Variants in ZHX3 observed in about 807,000 individuals in gnomAD.
ZHX3 encodes zinc fingers and homeoboxes 3.
Under a neutral mutation model 64.5 loss-of-function variants are expected in ZHX3, and 20 were observed. That is an observed-to-expected ratio of 0.31 (90% CI 0.22 to 0.45). The LOEUF (loss-of-function observed/expected upper bound fraction) is 0.45. Among genes scored for constraint, ZHX3 ranks in the 20% least tolerant of loss-of-function variants. The pLI, the probability that ZHX3 is intolerant of heterozygous loss-of-function variation, is 1.00. For synonymous variants in ZHX3, 423 were observed against 461.6 expected, an observed-to-expected ratio of 0.92 and a Z score of 1.07; for missense variants, 1,041 against 1,195.8, an observed-to-expected ratio of 0.87 and a Z score of 1.91.
chr20:41,262,935 G>T (rs376036910), intron 2 of ZHX3, among the ~76,000 whole-genome samples: 1 of 152,284 alleles, frequency 6.6e-6, no homozygotes, highest in East Asian at 1.9e-4. Flanking sequence ...CTTTTGCTTT[G>T]ATTTTAGTAA....
chr20:41,202,929 C>T lies in ZHX3; in HGVS notation c.1988G>A (p.Arg663Lys). The T allele has an allele frequency of 1.2e-6, 2 of 1,614,122 alleles. No homozygotes were observed. Among genetic ancestry groups the T allele is most frequent in the Non-Finnish European group, 1.7e-6 (2 of 1,180,016 alleles). The change falls in exon 3 of 4, where the codon AGA (arginine) becomes AAA (lysine). Residue 663 changes from arginine (R) to lysine (K), a missense_variant. Transcript: ENST00000683867. The surrounding 1 kb of genome is among the most constrained non-coding windows in gnomAD (Gnocchi z 7.0). ...RREIDSWFSE[R>K]RKKVNAEETK... is the part of the protein sequence containing the mutation. ...CTCCTCAGCATTCACTTTTTTCCGT[C>T]TCTCTGAAAACCAGCTATCAATTTC...
chr20:41,184,662 G>A lies in ZHX3; in HGVS notation c.*529C>T. On this transcript the variant is annotated 3_prime_UTR_variant, in exon 4 of 4. Transcript: ENST00000683867. Reference sequence around the variant, plus strand: ...TTGAGGAACACAAAGGGGGCACAAAGGGGTTCCAGACGTAGCTTTGTGCCT... The same window carrying A: ...TTGAGGAACACAAAGGGGGCACAAAAGGGTTCCAGACGTAGCTTTGTGCCT... 1 of 508,198 alleles carries A rather than the reference G, an allele frequency of 2.0e-6. No individual in the cohort carries two copies. The highest frequency in any genetic ancestry group is 3.5e-6 in the Non-Finnish European group (1 of 283,078). 31.5% of individuals were successfully genotyped at this position (508,198 alleles called of 1,614,324 possible).
intron 2 of ZHX3, among the ~76,000 whole-genome samples, chr20:41,209,978 A>G (rs2039032688): frequency 6.6e-6 from 1 of 152,178 alleles, no homozygotes; most frequent in South Asian, 2.1e-4. Context: ...GAATCTACAA[A>G]GCACTTAAAC....
intron 1 of ZHX3, among the ~76,000 whole-genome samples, chr20:41,282,361 C>CTTTTTTTT (rs568284480): frequency 0.07 from 6,774 of 96,768 alleles, 836 homozygotes; most frequent in Middle Eastern, 0.11. Flanking sequence ...CACAATTCAT[C>CTTTTTTTT]TTTTTTTTTT....
chr20:41,278,484 T>A (rs2043504109), intron 1 of ZHX3, among the ~76,000 whole-genome samples: 1 of 141,444 alleles, frequency 7.1e-6, no homozygotes, highest in Admixed American at 7.1e-5. Context: ...CATATTGGTA[T>A]TTTTTCTCAC....
chr20:41,305,343 A>T (rs2044943683), intron 1 of ZHX3, among the ~76,000 whole-genome samples: 1 of 152,144 alleles, frequency 6.6e-6, no homozygotes, highest in African/African-American at 2.4e-5. Flanking sequence ...AAATACAAAA[A>T]TTAGCCAGGC....
intron 2 of ZHX3, among the ~76,000 whole-genome samples, chr20:41,246,824 G>A (rs2041713319): frequency 2.0e-5 from 3 of 151,298 alleles, no homozygotes; most frequent in Admixed American, 6.6e-5. Context: ...AGTGAGCCGA[G>A]ACTGTGCCAC....
Position 41,228,597 on chromosome 20 carries a change from G to C in ZHX3, c.-150-23531C>G, listed in dbSNP as rs1307543053. Among the ~76,000 whole-genome samples the C allele has an allele frequency of 2.0e-5, 3 of 152,168 alleles. No individual in the cohort carries two copies. The highest frequency in any genetic ancestry group is 6.5e-5 in the Admixed American group (1 of 15,280). The stretch of plus-strand genomic sequence containing the variant: ...CTCACATGGCAGAAGGGACCAGGGA[G>C]TGTCTGGGGTCTCTTTTATAAGGCC... On this transcript the variant is annotated intron_variant, in intron 2 of 3. Transcript: ENST00000683867. This position sits in a 1 kb window ranked among gnomAD's most constrained non-coding sequence, Gnocchi z 4.6.
At chr20:41,271,499 G>T (rs2043147588) in intron 1 of ZHX3, among the ~76,000 whole-genome samples, 1 of 152,136 alleles carries the variant, frequency 6.6e-6, no homozygotes, top group African/African-American at 2.4e-5. Flanking sequence ...AGTTAGCTTT[G>T]TTTGCTTCAC....
At chr20:41,270,072 T>C (rs1037181173) in intron 1 of ZHX3, among the ~76,000 whole-genome samples, 2 of 152,174 alleles carry the variant, frequency 1.3e-5, no homozygotes, top group Non-Finnish European at 2.9e-5. Flanking sequence ...ATAAGGAAAC[T>C]TGTTAGGTAA....
At chr20:41,217,273 C>T (rs537902169) in intron 2 of ZHX3, among the ~76,000 whole-genome samples, 2 of 151,820 alleles carry the variant, frequency 1.3e-5, no homozygotes, top group South Asian at 4.2e-4. Flanking sequence ...GAGGAAAAAC[C>T]CAACCCCCTA....
intron 1 of ZHX3, among the ~76,000 whole-genome samples, chr20:41,278,586 C>T (rs1179599368): frequency 2.1e-5 from 3 of 140,748 alleles, no homozygotes; most frequent in African/African-American, 5.4e-5. Flanking sequence ...ATGTGATTAG[C>T]GGCCATTCAT....
chr20:41,178,914 C>G lies in ZHX3; in HGVS notation c.*6277G>C, dbSNP rs1170261781. ...GCAGTTGCCTCTTACTTGTTTAGCA[C>G]CAAGATGATCACCTTTTCAGCCATC... On this transcript the variant is annotated 3_prime_UTR_variant, in exon 4 of 4. Coordinates refer to ENST00000683867, the MANE Select transcript of ZHX3 (RefSeq NM_001384317.1). 2 of 152,654 alleles carry G rather than the reference C, an allele frequency of 1.3e-5. No homozygotes were observed. Among genetic ancestry groups the G allele is most frequent in the African/African-American group, 4.8e-5 (2 of 41,452 alleles). 9.5% of individuals were successfully genotyped at this position (152,654 alleles called of 1,614,324 possible).
rs1382963206 is a variant in ZHX3 at position 41,184,013 on chromosome 20, CCAGCA to C, written c.*1173_*1177del. 6.6e-6 allele frequency: 1 copy of C among 152,232 alleles called. No homozygotes were observed. Among genetic ancestry groups the C allele is most frequent in the African/African-American group, 2.4e-5 (1 of 41,452 alleles). The allele number at this position is 152,232 out of a possible 1,614,324, so 9.4% of individuals were successfully genotyped here. ...ATGCCCAGCACCCTTGGGCATGCAT[CCAGCA>C]CACCGGCCAGACCCTGGGGTGGGAG... On this transcript the variant is annotated 3_prime_UTR_variant, in exon 4 of 4. Coordinates refer to ENST00000683867, the MANE Select transcript of ZHX3 (RefSeq NM_001384317.1).
intron 2 of ZHX3, among the ~76,000 whole-genome samples, chr20:41,235,119 C>T (rs989833828): frequency 4.0e-5 from 6 of 151,828 alleles, no homozygotes; most frequent in Non-Finnish European, 8.8e-5. Context: ...GCAGCAAACT[C>T]GGTGTGTGTG....
chr20:41,251,189 T>C (rs1317693696), intron 2 of ZHX3, among the ~76,000 whole-genome samples: 2 of 152,120 alleles, frequency 1.3e-5, no homozygotes, highest in African/African-American at 2.4e-5. Context: ...TATCCTCCTG[T>C]AGTCCCAGCT....
At position 41,184,979 on chromosome 20, in the gene ZHX3, G is replaced by A; in HGVS notation, c.*212C>T. ...CTACATTGTGGGAGGAAGAACTGATGAGAACCCCATCTTGCTTGCTGCTTG... is the reference window on the plus strand; with the variant it reads ...CTACATTGTGGGAGGAAGAACTGATAAGAACCCCATCTTGCTTGCTGCTTG... On this transcript the variant is annotated 3_prime_UTR_variant, in exon 4 of 4. Coordinates refer to ENST00000683867, the MANE Select transcript of ZHX3 (RefSeq NM_001384317.1). The A allele has an allele frequency of 3.2e-6, 5 of 1,549,624 alleles. No homozygotes were observed. The highest frequency in any genetic ancestry group is 4.4e-6 in the Non-Finnish European group (5 of 1,146,992).
chr20:41,204,225 G>C lies in ZHX3; in HGVS notation c.692C>G (p.Ser231Cys). The change falls in exon 3 of 4, where the codon TCC becomes TGC. Residue 231 changes from serine to cysteine, a missense_variant. Around this residue, in one of 4 missense-constraint regions of ZHX3, gnomAD observed 358 missense variants for 369.1 expected, o/e 0.97. Coordinates refer to ENST00000683867, the MANE Select transcript of ZHX3 (RefSeq NM_001384317.1). This position sits in a 1 kb window ranked among gnomAD's most constrained non-coding sequence, Gnocchi z 6.6. ...GEMEVREGDH[S>C]FINGAVPVSQ... Reference sequence around the variant, plus strand: ...GACTGGAACTGCCCCATTGATGAAGGAATGGTCCCCCTCTCTCACCTCCAT... The same window carrying C: ...GACTGGAACTGCCCCATTGATGAAGCAATGGTCCCCCTCTCTCACCTCCAT... 1 of 1,613,500 alleles carries C rather than the reference G, an allele frequency of 6.2e-7. No individual in the cohort carries two copies. The highest frequency in any genetic ancestry group is 8.5e-7 in the Non-Finnish European group (1 of 1,179,704).
In ZHX3 at chr20:41,203,389, T is replaced by C; in HGVS notation, c.1528A>G (p.Lys510Glu). The change falls in exon 3 of 4, where the codon AAA becomes GAA. Residue 510 changes from lysine to glutamate, a missense_variant. Physicochemically the swap from Lys to Glu is moderately conservative, Grantham distance 56. Coordinates refer to ENST00000683867, the MANE Select transcript of ZHX3 (RefSeq NM_001384317.1). This position sits in a 1 kb window ranked among gnomAD's most constrained non-coding sequence, Gnocchi z 7.1. ...AACTGGTTCCGACAGAAGCTCCCTT[T>C]CAGAGCTGACAGCTGTTCATGAGAT... is the stretch of plus-strand genomic sequence containing the variant. ...KKSHEQLSAL[K>E]GSFCRNQFPG... 6.2e-7 allele frequency: 1 copy of C among 1,614,204 alleles called. No individual in the cohort carries two copies. The highest frequency in any genetic ancestry group is 8.5e-7 in the Non-Finnish European group (1 of 1,180,046).
Sources: allele counts gnomAD v4.1 joint callset (sites outside exome capture counted in the v4.1 genomes callset), GRCh38; gene constraint gnomAD v4.1.1; regional missense constraint gnomAD v4.1.1; non-coding constraint Gnocchi (gnomAD v3.1); transcripts MANE v1.5; gene names NCBI Gene and HGNC (gene_info 2026-07-23, HGNC 2026-07-21).